RABGAP1L: variants seen among roughly 807,000 people sequenced by gnomAD.
RABGAP1L encodes RAB GTPase activating protein 1 like.
In RABGAP1L, 63 loss-of-function variants were observed where a neutral mutation model predicts 137.7. That is an observed-to-expected ratio of 0.46 (90% CI 0.37 to 0.56). The LOEUF is 0.56. Ranked by LOEUF, RABGAP1L falls within the 20% of genes least tolerant of loss-of-function variation. The pLI is 0.00. For missense variants in RABGAP1L, 1,095 were observed against 1,244.0 expected (o/e 0.88, Z 1.80); for synonymous variants, 431 against 433.7 (o/e 0.99, Z 0.08).
At chr1:174,444,672 G>A (rs1028043526) in intron 13 of RABGAP1L, among the ~76,000 whole-genome samples, 8 of 152,034 alleles carry the variant, frequency 5.3e-5, no homozygotes, top group Non-Finnish European at 1.0e-4. Flanking sequence ...AATCTTGGTA[G>A]ATTGTATGTG....
intron 13 of RABGAP1L, among the ~76,000 whole-genome samples, chr1:174,529,545 G>A (rs781417022): frequency 6.6e-6 from 1 of 152,004 alleles, no homozygotes; most frequent in African/African-American, 2.4e-5. Flanking sequence ...GGTAGGTTTG[G>A]TGTGCCTGTT....
chr1:174,810,373 T>C (rs1361441950), intron 18 of RABGAP1L, among the ~76,000 whole-genome samples: 1 of 152,190 alleles, frequency 6.6e-6, no homozygotes, highest in Non-Finnish European at 1.5e-5. Context: ...AGATCTTATA[T>C]TGAGCTAAAA....
chr1:174,914,107 A>G (rs1195192239), intron 19 of RABGAP1L, among the ~76,000 whole-genome samples: 1 of 152,228 alleles, frequency 6.6e-6, no homozygotes. Context: ...ACTTAGAGTT[A>G]AGGGATGAAC....
chr1:174,168,258 C>T (rs1197513313), intron 1 of RABGAP1L, among the ~76,000 whole-genome samples: 3 of 108,994 alleles, frequency 2.8e-5, no homozygotes, highest in South Asian at 3.1e-4. Flanking sequence ...GAGTGAGACT[C>T]GGTCTCAAAA....
At chr1:174,402,607 A>C (rs898560277) in intron 13 of RABGAP1L, among the ~76,000 whole-genome samples, 1 of 152,158 alleles carries the variant, frequency 6.6e-6, no homozygotes, top group Non-Finnish European at 1.5e-5. Context: ...CTGATGAATC[A>C]CTGGAAGACT....
chr1:174,722,417 A>T (rs1274156243), intron 17 of RABGAP1L, among the ~76,000 whole-genome samples: 1 of 151,310 alleles, frequency 6.6e-6, no homozygotes, highest in Non-Finnish European at 1.5e-5. Flanking sequence ...CATGAATATG[A>T]CTAGCTTTTC....
At chr1:174,806,212 G>A (rs1196568577) in intron 18 of RABGAP1L, among the ~76,000 whole-genome samples, 10 of 152,180 alleles carry the variant, frequency 6.6e-5, no homozygotes, top group Admixed American at 4.6e-4. Flanking sequence ...AAGATCATTC[G>A]TTAAGCCTCT....
intron 13 of RABGAP1L, among the ~76,000 whole-genome samples, chr1:174,618,368 G>A (rs543834606): frequency 1.2e-4 from 18 of 149,744 alleles, no homozygotes; most frequent in Middle Eastern, 3.6e-3. Context: ...TGACCCACGC[G>A]TAGCCTAACT....
chr1:174,527,204 G>A (rs186504787), intron 13 of RABGAP1L, among the ~76,000 whole-genome samples: 36 of 119,648 alleles, frequency 3.0e-4, no homozygotes, highest in Middle Eastern at 9.0e-3. Context: ...TTTTTATTTT[G>A]TTTTTTTTTT....
chr1:174,762,775 G>C (rs1685327724), intron 18 of RABGAP1L, among the ~76,000 whole-genome samples: 1 of 148,806 alleles, frequency 6.7e-6, no homozygotes, highest in Non-Finnish European at 1.5e-5. Flanking sequence ...ATTCTGCCAG[G>C]ATAGCAGCTT....
chr1:174,973,010 A>G (rs561916486), intron 21 of RABGAP1L, among the ~76,000 whole-genome samples: 1 of 152,328 alleles, frequency 6.6e-6, no homozygotes, highest in Admixed American at 6.5e-5. Context: ...TAAGTGAGGT[A>G]TAGTGGTTGG....
At chr1:174,875,915 G>C (rs543952547) in intron 19 of RABGAP1L, among the ~76,000 whole-genome samples, 79 of 152,250 alleles carry the variant, frequency 5.2e-4, no homozygotes, top group African/African-American at 1.8e-3. Flanking sequence ...GTTTGAAGCT[G>C]TTTTAATCTT....
At chr1:174,682,319 C>T (rs332769) in intron 14 of RABGAP1L, among the ~76,000 whole-genome samples, 21,177 of 118,304 alleles carry the variant, frequency 0.18, 3,621 homozygotes, top group African/African-American at 0.5. Context: ...TATATATATA[C>T]ACACACACAC....
At chr1:174,585,198 A>G (rs532348725) in intron 13 of RABGAP1L, among the ~76,000 whole-genome samples, 2 of 152,228 alleles carry the variant, frequency 1.3e-5, no homozygotes, top group South Asian at 4.2e-4. Flanking sequence ...TTTAAATTAT[A>G]TATTTGTCTT....
chr1:174,887,617 G>T (rs966958501), intron 19 of RABGAP1L, among the ~76,000 whole-genome samples: 3 of 152,114 alleles, frequency 2.0e-5, no homozygotes, highest in Non-Finnish European at 2.9e-5. Flanking sequence ...AAACTTGGGG[G>T]GGGGGTCATG....
At chr1:174,713,031 G>A (rs1184030205) in intron 17 of RABGAP1L, among the ~76,000 whole-genome samples, 1 of 152,156 alleles carries the variant, frequency 6.6e-6, no homozygotes, top group African/African-American at 2.4e-5. Context: ...CCTGATTTAG[G>A]TCCAATGGCA....
chr1:174,873,216 A>G (rs914740671), intron 19 of RABGAP1L, among the ~76,000 whole-genome samples: 8 of 151,672 alleles, frequency 5.3e-5, no homozygotes, highest in Non-Finnish European at 1.0e-4. Flanking sequence ...CTACAGGCAC[A>G]CACCACCATG....
chr1:174,896,793 G>A lies in RABGAP1L; in HGVS notation c.2341-60664G>A, dbSNP rs551259265. Among the ~76,000 whole-genome samples the A allele has an allele frequency of 5.3e-3, 809 of 152,154 alleles. 9 individuals carry two copies. Among genetic ancestry groups the A allele is most frequent in the African/African-American group, 0.018 (766 of 41,524 alleles). ...CTGAGGGCTCTGTTCTGTTCCATTG[G>A]TCTATATCTCTGTTTTGGTACCAGT... On this transcript the variant is annotated intron_variant, in intron 19 of 25. Transcript: ENST00000681986.
chr1:174,682,695 A>G (rs780038619), intron 14 of RABGAP1L, among the ~76,000 whole-genome samples: 11 of 152,328 alleles, frequency 7.2e-5, no homozygotes, highest in Non-Finnish European at 1.3e-4. Flanking sequence ...ACTAATTAGT[A>G]TACACTAAGC....
Sources: gnomAD v4.1 joint callset for allele counts (sites outside exome capture counted in the v4.1 genomes callset) on GRCh38, gnomAD v4.1.1 for gene constraint, MANE v1.5 for transcripts, NCBI Gene and HGNC (gene_info 2026-07-23, HGNC 2026-07-21) for gene names.